RUNDC3B: variants seen among roughly 807,000 people sequenced by gnomAD.
RUNDC3B encodes RUN domain-containing protein 3B.
A neutral mutation model predicts 58.4 loss-of-function variants in RUNDC3B; 33 were observed. The observed-to-expected ratio is 0.56, with a 90% CI of 0.43 to 0.75. RUNDC3B has a LOEUF of 0.75. Ranked by LOEUF, RUNDC3B falls within the 30% of genes least tolerant of loss-of-function variation. The pLI, the probability that RUNDC3B is intolerant of heterozygous loss-of-function variation, is 0.00. For synonymous variants in RUNDC3B, 193 were observed against 195.2 expected (o/e 0.99, Z 0.10); for missense variants, 501 against 535.7 (o/e 0.94, Z 0.64).
intron 10 of RUNDC3B, among the ~76,000 whole-genome samples, chr7:87,824,561 C>A (rs943672872): frequency 6.6e-6 from 1 of 152,090 alleles, no homozygotes; most frequent in Non-Finnish European, 1.5e-5. Flanking sequence ...TGGGGCACTG[C>A]TGAAAAGATA....
chr7:87,741,428 T>C, intron 5 of RUNDC3B, 71 bp from the exon 6 acceptor site: 1 of 893,336 alleles, frequency 1.1e-6, no homozygotes, highest in Non-Finnish European at 1.7e-6. Flanking sequence ...GGCAAGAGAT[T>C]TTTCATGAAA....
At chr7:87,739,720 T>C in intron 4 of RUNDC3B, 71 bp from the exon 5 acceptor site, 1 of 683,752 alleles carries the variant, frequency 1.5e-6, no homozygotes, top group East Asian at 2.8e-5. Context: ...GTTTGGGCTC[T>C]AAATGATTTC....
intron 8 of RUNDC3B, among the ~76,000 whole-genome samples, chr7:87,803,761 T>G (rs939385064): frequency 6.6e-6 from 1 of 152,214 alleles, no homozygotes; most frequent in African/African-American, 2.4e-5. Flanking sequence ...AATATATTTT[T>G]TTCGATTGTC....
chr7:87,688,483 T>C (rs1300883476), intron 2 of RUNDC3B, among the ~76,000 whole-genome samples: 2 of 151,994 alleles, frequency 1.3e-5, no homozygotes, highest in Non-Finnish European at 2.9e-5. Flanking sequence ...TCATGACTTT[T>C]GCCTATTTCT....
intron 1 of RUNDC3B, among the ~76,000 whole-genome samples, chr7:87,645,546 A>G (rs1822915318): frequency 6.6e-6 from 1 of 152,176 alleles, no homozygotes; most frequent in Admixed American, 6.5e-5. Flanking sequence ...AAAAGCTGTT[A>G]CTTAGACTTG....
chr7:87,647,814 G>T (rs1217744363), intron 1 of RUNDC3B, among the ~76,000 whole-genome samples: 1 of 152,144 alleles, frequency 6.6e-6, no homozygotes, highest in Non-Finnish European at 1.5e-5. Context: ...TCTAGGATTT[G>T]TCCCTATGCA....
Position 87,770,582 on chromosome 7 carries a change from T to A in RUNDC3B, c.631T>A (p.Ser211Thr). ...TTTTTAAAATTTTGATCTTCCCAGT[T>A]CTGATAGTATCAGCAGTGATGAGGA... ...YTPYLKYIQS[S>T]DSISSDEEEL... Residue 211 changes from serine to threonine, a missense_variant and splice_region_variant, in exon 7 of 11, where the codon TCT becomes ACT. Physicochemically the swap from Ser to Thr is moderately conservative, Grantham distance 58. Transcript: ENST00000394654. 1 of 1,612,056 alleles carries A rather than the reference T, an allele frequency of 6.2e-7. No individual in the cohort carries two copies. The highest frequency in any genetic ancestry group is 2.2e-5 in the East Asian group (1 of 44,820).
chr7:87,777,787 TG>T lies in RUNDC3B; in HGVS notation c.799-9del, dbSNP rs1429364981. 2 of 1,612,738 alleles carry T rather than the reference TG, an allele frequency of 1.2e-6. No individual in the cohort carries two copies. Among genetic ancestry groups the T allele is most frequent in the South Asian group, 2.2e-5 (2 of 90,962 alleles). On this transcript the variant is annotated splice_polypyrimidine_tract_variant and intron_variant, in intron 7 of 10. Coordinates refer to ENST00000394654, the MANE Select transcript of RUNDC3B (RefSeq NM_001134405.2). ...TGCAGTTTCTATATCTTGATGATAC[TG>T]GATTTCCAGGGTTACCTTGAAGAAC...
chr7:87,760,176 G>A (rs890920998), intron 6 of RUNDC3B, among the ~76,000 whole-genome samples: 1 of 151,492 alleles, frequency 6.6e-6, no homozygotes, highest in African/African-American at 2.4e-5. Flanking sequence ...TAGTTCTTTA[G>A]TTGGTGTTAT....
At chr7:87,727,909 T>C (rs959702625) in intron 4 of RUNDC3B, among the ~76,000 whole-genome samples, 65 of 152,132 alleles carry the variant, frequency 4.3e-4, no homozygotes, top group Non-Finnish European at 7.2e-4. Flanking sequence ...TCTACTCTTA[T>C]TATAATGATT....
At chr7:87,632,210 T>C (rs1310273541) in intron 1 of RUNDC3B, among the ~76,000 whole-genome samples, 5 of 152,188 alleles carry the variant, frequency 3.3e-5, no homozygotes, top group Admixed American at 2.0e-4. Context: ...TTAGGTGTAT[T>C]CTCAGTTTAG....
intron 2 of RUNDC3B, 109 bp downstream of exon 2, chr7:87,651,046 T>C (rs1823521226): frequency 3.1e-6 from 2 of 647,558 alleles, no homozygotes; most frequent in South Asian, 1.9e-5. Flanking sequence ...CATTCTATAA[T>C]GTGAAATGTC....
chr7:87,705,028 G>A (rs139003118), intron 3 of RUNDC3B, among the ~76,000 whole-genome samples: 18 of 152,294 alleles, frequency 1.2e-4, no homozygotes, highest in African/African-American at 3.8e-4. Flanking sequence ...CAGTATACAA[G>A]TACACTTGTA....
At chr7:87,687,970 G>T (rs1046625692) in intron 2 of RUNDC3B, among the ~76,000 whole-genome samples, 14 of 152,104 alleles carry the variant, frequency 9.2e-5, no homozygotes, top group African/African-American at 2.9e-4. Flanking sequence ...TGGAAAATGA[G>T]ACTTAAATTG....
chr7:87,809,433 G>A (rs886112653), intron 9 of RUNDC3B, among the ~76,000 whole-genome samples: 5 of 151,944 alleles, frequency 3.3e-5, no homozygotes, highest in African/African-American at 9.7e-5. Context: ...TGCTACTTAC[G>A]TAATGTGTAA....
chr7:87,804,966 A>G (rs1371608494), intron 8 of RUNDC3B, among the ~76,000 whole-genome samples: 1 of 152,140 alleles, frequency 6.6e-6, no homozygotes, highest in Non-Finnish European at 1.5e-5. Context: ...GTTCTAGGGT[A>G]AGTGGTAGGA....
intron 2 of RUNDC3B, among the ~76,000 whole-genome samples, chr7:87,653,663 T>C (rs1007526977): frequency 3.9e-5 from 6 of 152,134 alleles, no homozygotes; most frequent in Non-Finnish European, 7.4e-5. Flanking sequence ...CTACTTTTTT[T>C]TCAAATGCGA....
At chr7:87,733,183 C>T (rs1289652780) in intron 4 of RUNDC3B, among the ~76,000 whole-genome samples, 1 of 152,142 alleles carries the variant, frequency 6.6e-6, no homozygotes, top group East Asian at 1.9e-4. Flanking sequence ...CATTCCATTC[C>T]TAGAGCTATG....
intron 2 of RUNDC3B, among the ~76,000 whole-genome samples, chr7:87,692,337 G>A (rs556571431): frequency 6.6e-6 from 1 of 152,240 alleles, no homozygotes; most frequent in Admixed American, 6.5e-5. Flanking sequence ...CGCACCTGTA[G>A]TCTTAGCTAC....
Sources: allele counts gnomAD v4.1 joint callset (sites outside exome capture counted in the v4.1 genomes callset), GRCh38; gene constraint gnomAD v4.1.1; transcripts MANE v1.5; gene names NCBI Gene and HGNC (gene_info 2026-07-23, HGNC 2026-07-21).